KIAA1328: variants seen among roughly 807,000 people sequenced by gnomAD.
The protein encoded by KIAA1328 is protein hinderin.
Under a neutral mutation model 68.1 loss-of-function variants are expected in KIAA1328, and 52 were observed. That is an observed-to-expected ratio of 0.76 (90% CI 0.61 to 0.96). KIAA1328 has a LOEUF of 0.96. Among genes scored for constraint, KIAA1328 ranks in the 40% least tolerant of loss-of-function variants. The probability of loss-of-function intolerance (pLI) is 0.00; values close to 1 mark genes in which losing one functional copy is unlikely to be tolerated. For synonymous variants in KIAA1328, 232 were observed against 239.4 expected (o/e 0.97, Z 0.28); for missense variants, 641 against 677.6 (o/e 0.95, Z 0.60).
At chr18:37,078,152 C>T (rs1027785345) in intron 7 of KIAA1328, among the ~76,000 whole-genome samples, 13 of 152,130 alleles carry the variant, frequency 8.5e-5, no homozygotes, top group Non-Finnish European at 1.6e-4. Context: ...TGGAACAGAA[C>T]AGAGCCCTCA....
chr18:37,125,683 TAC>T (rs1292606485), intron 7 of KIAA1328, among the ~76,000 whole-genome samples: 3 of 152,184 alleles, frequency 2.0e-5, no homozygotes, highest in African/African-American at 7.2e-5. Context: ...CTACAGATAT[TAC>T]AGAGTTAATA....
intron 4 of KIAA1328, among the ~76,000 whole-genome samples, chr18:36,856,002 A>G (rs1056313934): frequency 2.0e-5 from 3 of 151,932 alleles, no homozygotes; most frequent in Non-Finnish European, 4.4e-5. Flanking sequence ...GATTTAAAAT[A>G]TGTCATTCTG....
chr18:37,202,783 T>G (rs2060139202), intron 9 of KIAA1328, among the ~76,000 whole-genome samples: 1 of 152,158 alleles, frequency 6.6e-6, no homozygotes, highest in Non-Finnish European at 1.5e-5. Flanking sequence ...TAAACACCAT[T>G]ATTATTTGAC....
chr18:37,026,607 A>T (rs2054592905), intron 6 of KIAA1328, among the ~76,000 whole-genome samples: 1 of 152,258 alleles, frequency 6.6e-6, no homozygotes, highest in African/African-American at 2.4e-5. Flanking sequence ...GTATAAATAG[A>T]ACCAAAGACA....
At chr18:37,098,092 C>G (rs1348953343) in intron 7 of KIAA1328, among the ~76,000 whole-genome samples, 3 of 152,100 alleles carry the variant, frequency 2.0e-5, no homozygotes, top group Admixed American at 6.5e-5. Flanking sequence ...TTGCTCTGGC[C>G]AGAACTTCCA....
At chr18:37,150,127 A>G (rs1471699517) in intron 7 of KIAA1328, among the ~76,000 whole-genome samples, 1 of 152,190 alleles carries the variant, frequency 6.6e-6, no homozygotes, top group Non-Finnish European at 1.5e-5. Context: ...ACTTTCCCAT[A>G]AGTAAAACTA....
intron 6 of KIAA1328, among the ~76,000 whole-genome samples, chr18:37,046,894 G>A (rs2055492504): frequency 6.6e-6 from 1 of 152,176 alleles, no homozygotes; most frequent in African/African-American, 2.4e-5. Flanking sequence ...ACTTTGGAAG[G>A]CCAAGACGGG....
At chr18:37,032,917 A>G (rs945831951) in intron 6 of KIAA1328, among the ~76,000 whole-genome samples, 1 of 152,172 alleles carries the variant, frequency 6.6e-6, no homozygotes, top group Non-Finnish European at 1.5e-5. Context: ...CCGAGATTAC[A>G]GGCATGAGCC....
At chr18:36,962,266 G>A (rs968594009) in intron 6 of KIAA1328, among the ~76,000 whole-genome samples, 2 of 152,160 alleles carry the variant, frequency 1.3e-5, no homozygotes, top group African/African-American at 4.8e-5. Flanking sequence ...CACAAGAAAA[G>A]CTAACTATCC....
intron 6 of KIAA1328, among the ~76,000 whole-genome samples, chr18:37,064,621 C>A (rs544912566): frequency 4.8e-5 from 7 of 144,368 alleles, no homozygotes; most frequent in Admixed American, 2.1e-4. Context: ...AGAGACTTTG[C>A]AGATGTGATT....
chr18:37,085,484 T>G (rs2057075833), intron 7 of KIAA1328, among the ~76,000 whole-genome samples: 1 of 152,200 alleles, frequency 6.6e-6, no homozygotes, highest in African/African-American at 2.4e-5. Flanking sequence ...AAAGGTATTT[T>G]TTTAGGTGGA....
intron 4 of KIAA1328, among the ~76,000 whole-genome samples, chr18:36,880,614 A>G (rs539533187): frequency 4.7e-4 from 72 of 152,320 alleles, no homozygotes; most frequent in South Asian, 2.1e-4. Context: ...CAGAGGGGAT[A>G]TAGTAATAGC....
intron 5 of KIAA1328, among the ~76,000 whole-genome samples, chr18:36,887,562 A>G (rs1329728663): frequency 6.6e-6 from 1 of 152,112 alleles, no homozygotes; most frequent in Non-Finnish European, 1.5e-5. Context: ...CCTCTTTTTA[A>G]AAACATAAAA....
At position 37,023,799 on chromosome 18, in the gene KIAA1328, A is replaced by G. The variant is rs539852462; in HGVS notation, c.577-43091A>G. Among the ~76,000 whole-genome samples, 7 of 152,032 alleles carry G rather than the reference A, an allele frequency of 4.6e-5. No homozygotes were observed. The South Asian group carries it at 6.2e-4, about 14-fold the overall frequency. ...ATCATCTGTATTTATTTATTTATTT[A>G]TTTGTTTTTCCAACTTACATTTTAG... is the stretch of plus-strand genomic sequence containing the variant. On this transcript the variant is annotated intron_variant, in intron 6 of 9. Coordinates refer to ENST00000280020, the MANE Select transcript of KIAA1328 (RefSeq NM_020776.3).
intron 7 of KIAA1328, among the ~76,000 whole-genome samples, chr18:37,109,042 C>G (rs1232550817): frequency 2.0e-5 from 3 of 148,728 alleles, no homozygotes; most frequent in Non-Finnish European, 4.4e-5. Context: ...GGTTTTCTGT[C>G]CTTGTGATAG....
intron 6 of KIAA1328, among the ~76,000 whole-genome samples, chr18:36,965,528 G>A (rs986058883): frequency 1.7e-4 from 12 of 69,898 alleles, no homozygotes; most frequent in African/African-American, 4.1e-4. Flanking sequence ...TGGCCACCAC[G>A]CCTGGCTAAT....
chr18:36,833,942 A>G (rs574115528), intron 1 of KIAA1328, among the ~76,000 whole-genome samples: 1 of 152,314 alleles, frequency 6.6e-6, no homozygotes, highest in East Asian at 1.9e-4. Context: ...CTCAGTAATG[A>G]CCAAACTGGA....
At chr18:37,159,829 C>A (rs2059238969) in intron 7 of KIAA1328, among the ~76,000 whole-genome samples, 1 of 152,090 alleles carries the variant, frequency 6.6e-6, no homozygotes, top group Non-Finnish European at 1.5e-5. Context: ...ATTTTAATCC[C>A]TAGTGTTCAT....
intron 7 of KIAA1328, among the ~76,000 whole-genome samples, chr18:37,086,166 A>G (rs1416894318): frequency 6.6e-6 from 1 of 152,184 alleles, no homozygotes; most frequent in Non-Finnish European, 1.5e-5. Flanking sequence ...GTTGTATAAC[A>G]TGGTAACTAT....
Sources: allele counts gnomAD v4.1 joint callset (sites outside exome capture counted in the v4.1 genomes callset), GRCh38; gene constraint gnomAD v4.1.1; transcripts MANE v1.5; gene names NCBI Gene and HGNC (gene_info 2026-07-23, HGNC 2026-07-21).